Variants in ZNF469 observed in about 807,000 individuals in gnomAD.
ZNF469 encodes zinc finger protein 469.
Under a neutral mutation model 1.0 loss-of-function variants are expected in ZNF469, and 1 was observed. The observed-to-expected ratio is 1.00, with a 90% CI of 0.35 to 4.73. The LOEUF (loss-of-function observed/expected upper bound fraction) is 4.73. Ranked by LOEUF, ZNF469 falls within the 30% of genes most tolerant of loss-of-function variation. The probability of loss-of-function intolerance (pLI) is 0.16; values close to 1 mark genes in which losing one functional copy is unlikely to be tolerated. For missense variants in ZNF469, 6,100 were observed against 5,356.3 expected, an observed-to-expected ratio of 1.14 and a Z score of -4.33; for synonymous variants, 2,703 against 2,363.4, an observed-to-expected ratio of 1.14 and a Z score of -4.17.
chr16:88,209,537 C>G, the ZNF469 span, among the ~76,000 whole-genome samples: 1 of 152,138 alleles, frequency 6.6e-6, no homozygotes, highest in Non-Finnish European at 1.5e-5. Flanking sequence ...GTGATCCTCC[C>G]ACCTCGGCCT....
the ZNF469 span, among the ~76,000 whole-genome samples, chr16:88,101,640 G>C: frequency 3.3e-5 from 5 of 151,844 alleles, no homozygotes; most frequent in Admixed American, 3.3e-4. Context: ...GGGCTTGCAA[G>C]TCCACAGCGA....
At chr16:88,138,659 C>T in the ZNF469 span, among the ~76,000 whole-genome samples, 2 of 152,216 alleles carry the variant, frequency 1.3e-5, no homozygotes, top group Non-Finnish European at 2.9e-5. Context: ...CCTCTAAATC[C>T]ATTCAAAATG....
chr16:88,216,206 T>A, the ZNF469 span, among the ~76,000 whole-genome samples: 25 of 152,250 alleles, frequency 1.6e-4, no homozygotes, highest in African/African-American at 5.8e-4. Flanking sequence ...TTAAAAGATA[T>A]TATTTCAGGT....
At chr16:88,363,586 A>G in the ZNF469 span, among the ~76,000 whole-genome samples, 1 of 152,204 alleles carries the variant, frequency 6.6e-6, no homozygotes, top group Admixed American at 6.5e-5. Context: ...CTCCTATTTA[A>G]GATCTCCTCT....
the ZNF469 span, among the ~76,000 whole-genome samples, chr16:88,147,120 A>G: frequency 1.3e-5 from 2 of 152,052 alleles, no homozygotes; most frequent in African/African-American, 4.8e-5. Flanking sequence ...ATTCCCTGTC[A>G]TCTCAAGTCC....
At chr16:88,388,651 T>C (rs1904403602) in intron 1 of ZNF469, among the ~76,000 whole-genome samples, 1 of 152,162 alleles carries the variant, frequency 6.6e-6, no homozygotes, top group South Asian at 2.1e-4. Context: ...GGAGCCAGGA[T>C]ACCCGGGTCT....
chr16:88,266,888 G>C, the ZNF469 span, among the ~76,000 whole-genome samples: 1 of 152,238 alleles, frequency 6.6e-6, no homozygotes, highest in Non-Finnish European at 1.5e-5. Flanking sequence ...TAGTTGGTGT[G>C]ACAAGAATGA....
chr16:88,226,074 G>C, the ZNF469 span, among the ~76,000 whole-genome samples: 1 of 152,122 alleles, frequency 6.6e-6, no homozygotes, highest in African/African-American at 2.4e-5. Flanking sequence ...CTGGTGTCTG[G>C]GGGCCTTGGT....
At chr16:88,201,970 G>A in the ZNF469 span, among the ~76,000 whole-genome samples, 3 of 152,122 alleles carry the variant, frequency 2.0e-5, no homozygotes, top group Admixed American at 2.0e-4. The surrounding 1 kb of genome is among the most constrained non-coding windows in gnomAD (Gnocchi z 5.0). Context: ...GGTCCAGGGT[G>A]TCCTCCTGTT....
At chr16:88,354,107 A>G in the ZNF469 span, among the ~76,000 whole-genome samples, 6 of 152,310 alleles carry the variant, frequency 3.9e-5, no homozygotes, top group South Asian at 1.2e-3. Context: ...AACAGTGGGT[A>G]CTCAGTGAAT....
chr16:88,265,466 G>A, the ZNF469 span, among the ~76,000 whole-genome samples: 3 of 152,334 alleles, frequency 2.0e-5, no homozygotes, highest in East Asian at 3.9e-4. Flanking sequence ...GCACAGAGGG[G>A]CAGGGGGACA....
At chr16:88,360,206 G>C in the ZNF469 span, among the ~76,000 whole-genome samples, 3 of 152,008 alleles carry the variant, frequency 2.0e-5, no homozygotes, top group South Asian at 6.2e-4. Context: ...TTTTAGTAGA[G>C]ATGAGGTTTC....
rs140549713 is a variant in ZNF469, at chr16:88,407,522, G to A, written c.-191-17285G>A. 1.3e-3 allele frequency among the ~76,000 whole-genome samples: 194 copies of A among 152,362 alleles called. 1 individual carries two copies. The highest frequency in any genetic ancestry group is 4.2e-3 in the African/African-American group (174 of 41,576). On this transcript the variant is annotated intron_variant, in intron 1 of 2. Transcript: ENST00000565624. The stretch of plus-strand genomic sequence containing the variant: ...CAGGTGTCGGACACCGAACGAGGCC[G>A]TGTGCATCCGACGTCTGAGTTCATC...
At chr16:88,140,013 C>T in the ZNF469 span, among the ~76,000 whole-genome samples, 2 of 152,186 alleles carry the variant, frequency 1.3e-5, no homozygotes, top group Non-Finnish European at 1.5e-5. Context: ...CAGGAAGAAA[C>T]GAACTGTCAG....
chr16:88,330,977 C>T, the ZNF469 span, among the ~76,000 whole-genome samples: 1 of 152,146 alleles, frequency 6.6e-6, no homozygotes, highest in Non-Finnish European at 1.5e-5. Flanking sequence ...TCATCACCAT[C>T]GCCACCACCA....
Position 88,438,540 on chromosome 16 carries a change from C to T in ZNF469, c.11070C>T (p.Ser3690=), listed in dbSNP as rs1272116933. ...SKDRSAASTP[S]KALKFPVHPR... is the part of the protein sequence containing the mutation. ...ACAGGTCGGCAGCATCCACCCCCAG[C>T]AAAGCACTCAAGTTCCCAGTGCACC... Residue 3690 remains serine (S), a synonymous_variant, in exon 3 of 3, where the codon AGC becomes AGT. Coordinates refer to ENST00000565624, the MANE Select transcript of ZNF469 (RefSeq NM_001367624.2). 2 of 1,550,152 alleles carry T rather than the reference C, an allele frequency of 1.3e-6. No individual in the cohort carries two copies. Among genetic ancestry groups the T allele is most frequent in the Non-Finnish European group, 1.7e-6 (2 of 1,146,970 alleles).
the ZNF469 span, among the ~76,000 whole-genome samples, chr16:88,155,619 G>T: frequency 6.6e-6 from 1 of 152,218 alleles, no homozygotes; most frequent in Non-Finnish European, 1.5e-5. Context: ...CATCTATGTT[G>T]CAGTGTGGAC....
At chr16:88,284,820 G>A in the ZNF469 span, among the ~76,000 whole-genome samples, 4 of 152,208 alleles carry the variant, frequency 2.6e-5, no homozygotes, top group Non-Finnish European at 5.9e-5. Flanking sequence ...CTCAGCCTTG[G>A]CCTGAGCCGC....
the ZNF469 span, among the ~76,000 whole-genome samples, chr16:88,200,313 T>C: frequency 1.3e-5 from 2 of 152,176 alleles, no homozygotes; most frequent in African/African-American, 2.4e-5. Flanking sequence ...GAGGGACATC[T>C]TTTGTGTCTG....
Sources: allele counts gnomAD v4.1 joint callset (sites outside exome capture counted in the v4.1 genomes callset), GRCh38; gene constraint gnomAD v4.1.1; non-coding constraint Gnocchi (gnomAD v3.1); transcripts MANE v1.5; gene names NCBI Gene and HGNC (gene_info 2026-07-23, HGNC 2026-07-21).